Variants in LOXHD1 observed in about 807,000 individuals in gnomAD.
The protein encoded by LOXHD1 is lipoxygenase homology PLAT domains 1.
In LOXHD1, 205 loss-of-function variants were observed where a neutral mutation model predicts 248.2. That is an observed-to-expected ratio of 0.83 (90% confidence interval 0.74 to 0.93). LOXHD1 has a LOEUF of 0.93. Ranked by LOEUF, LOXHD1 falls within the 40% of genes least tolerant of loss-of-function variation. The pLI, the probability that LOXHD1 is intolerant of heterozygous loss-of-function variation, is 0.00. For missense variants in LOXHD1, 2,930 were observed against 2,971.6 expected (o/e 0.99, Z 0.33); for synonymous variants, 1,113 against 1,162.8 (o/e 0.96, Z 0.87).
chr18:46,559,134 C>T (rs535901512), intron 20 of LOXHD1: 202 of 1,354,430 alleles, frequency 1.5e-4, no homozygotes, highest in Non-Finnish European at 1.9e-4. Flanking sequence ...CACCATCTTG[C>T]GGCGAGGACT....
intron 37 of LOXHD1, among the ~76,000 whole-genome samples, chr18:46,500,610 CG>C (rs2034166170): frequency 6.6e-6 from 1 of 152,160 alleles, no homozygotes; most frequent in African/African-American, 2.4e-5. Flanking sequence ...GAGTGATTCC[CG>C]TTCTTGAGAC....
Position 46,506,031 on chromosome 18 carries a change from G to A in LOXHD1, c.5693-8C>T, listed in dbSNP as rs544020946. On this transcript the variant is annotated splice_region_variant and splice_polypyrimidine_tract_variant and intron_variant, in intron 36 of 40. Coordinates refer to ENST00000642948, the MANE Select transcript of LOXHD1 (RefSeq NM_001384474.1). Reference sequence around the variant, plus strand: ...TGGCATCAGTGCCTGCTCCTGGGGGGTGCACAAGGTGAGGCTTAGGGTGCC... The same window carrying A: ...TGGCATCAGTGCCTGCTCCTGGGGGATGCACAAGGTGAGGCTTAGGGTGCC... 5.2e-6 allele frequency: 8 copies of A among 1,551,908 alleles called. No homozygotes were observed. Among genetic ancestry groups the A allele is most frequent in the East Asian group, 2.4e-5 (1 of 40,918 alleles).
chr18:46,614,013 A>C (rs2038546959), intron 5 of LOXHD1, among the ~76,000 whole-genome samples: 1 of 152,198 alleles, frequency 6.6e-6, no homozygotes, highest in Non-Finnish European at 1.5e-5. Context: ...TCAAAACCAC[A>C]ATGAGATACC....
intron 23 of LOXHD1, chr18:46,544,784 C>T: frequency 2.1e-6 from 1 of 471,052 alleles, no homozygotes; most frequent in Admixed American, 2.3e-5. Context: ...ATGAGCACCC[C>T]ATGGTCAAGG....
intron 37 of LOXHD1, among the ~76,000 whole-genome samples, chr18:46,501,558 A>C (rs1275405555): frequency 6.6e-6 from 1 of 152,236 alleles, no homozygotes; most frequent in Non-Finnish European, 1.5e-5. Context: ...CATGAGTTAA[A>C]TGTTAATGAA....
chr18:46,633,499 C>T (rs1191159113), intron 4 of LOXHD1, among the ~76,000 whole-genome samples: 5 of 152,092 alleles, frequency 3.3e-5, no homozygotes, highest in Non-Finnish European at 7.4e-5. Context: ...CTAAATGTAA[C>T]AACAAAAACT....
At chr18:46,502,890 G>C (rs1391988635) in intron 37 of LOXHD1, among the ~76,000 whole-genome samples, 1 of 152,204 alleles carries the variant, frequency 6.6e-6, no homozygotes, top group African/African-American at 2.4e-5. Context: ...GTGAGTCTTA[G>C]AGGAAGGGCT....
At chr18:46,578,154 G>T (rs917185248) in intron 13 of LOXHD1, among the ~76,000 whole-genome samples, 13 of 152,188 alleles carry the variant, frequency 8.5e-5, no homozygotes, top group African/African-American at 2.9e-4. Context: ...CATTTATCAT[G>T]AGCTAATTCC....
chr18:46,613,634 G>C (rs2038541120), intron 5 of LOXHD1, among the ~76,000 whole-genome samples: 4 of 152,012 alleles, frequency 2.6e-5, no homozygotes, highest in Non-Finnish European at 5.9e-5. Flanking sequence ...TTTTGTTTCT[G>C]ACTTTAAAAA....
chr18:46,565,356 A>T (rs2037618407), intron 17 of LOXHD1, among the ~76,000 whole-genome samples: 1 of 152,118 alleles, frequency 6.6e-6, no homozygotes, highest in Admixed American at 6.5e-5. Flanking sequence ...CTATCCAAAA[A>T]GGCCCTTCCC....
intron 12 of LOXHD1, among the ~76,000 whole-genome samples, chr18:46,586,431 GTTT>G (rs59565700): frequency 6.6e-6 from 1 of 151,906 alleles, no homozygotes; most frequent in African/African-American, 2.4e-5. Flanking sequence ...TATAGCTGTT[GTTT>G]TTTTTGTTTG....
At chr18:46,565,013 T>C (rs1461462386) in intron 17 of LOXHD1, among the ~76,000 whole-genome samples, 1 of 152,060 alleles carries the variant, frequency 6.6e-6, no homozygotes, top group Non-Finnish European at 1.5e-5. Flanking sequence ...TCTATAATGC[T>C]AGCACTTTGG....
At position 46,557,304 on chromosome 18, in the gene LOXHD1, C is replaced by T. The variant is rs1369092549; in HGVS notation, c.3350+52G>A. On this transcript the variant is annotated intron_variant, in intron 21 of 40. Transcript: ENST00000642948. ...CTTCCAGGACTACCTCTGTGGCAGA[C>T]ATGGCCTCCCTCAGAGCAACACCCC... The T allele has an allele frequency of 4.5e-6, 7 of 1,550,400 alleles. No individual in the cohort carries two copies. The South Asian group carries it at 4.8e-5, about 11-fold the overall frequency.
intron 8 of LOXHD1, among the ~76,000 whole-genome samples, chr18:46,599,311 G>A (rs1241784885): frequency 3.3e-5 from 5 of 152,040 alleles, no homozygotes; most frequent in African/African-American, 9.7e-5. Flanking sequence ...TTAGAGCCTA[G>A]GAATCTATTT....
intron 34 of LOXHD1, among the ~76,000 whole-genome samples, chr18:46,513,137 T>G (rs1874608931): frequency 6.6e-6 from 1 of 152,226 alleles, no homozygotes; most frequent in Admixed American, 6.5e-5. Flanking sequence ...GAAGGCAGCA[T>G]GGAGGGTTTA....
At position 46,529,248 on chromosome 18, in the gene LOXHD1, C is replaced by A; in HGVS notation, c.4459G>T (p.Asp1487Tyr). ...DAKVYITIYGDLGDTGERYLG... is the reference protein window; with the variant it reads ...DAKVYITIYGYLGDTGERYLG... Reference sequence around the variant, plus strand: ...TATCGCTCCCCAGTGTCCCCGAGGTCTCCATAGATGGTGATGTACACCTTG... The same window carrying A: ...TATCGCTCCCCAGTGTCCCCGAGGTATCCATAGATGGTGATGTACACCTTG... The change falls in exon 29 of 41, where the codon GAC becomes TAC. Residue 1487 changes from aspartate to tyrosine, a missense_variant. Coordinates refer to ENST00000642948, the MANE Select transcript of LOXHD1 (RefSeq NM_001384474.1). 1 of 1,551,768 alleles carries A rather than the reference C, an allele frequency of 6.4e-7. No homozygotes were observed. Among genetic ancestry groups the A allele is most frequent in the African/African-American group, 1.4e-5 (1 of 73,162 alleles).
chr18:46,506,135 A>T, intron 36 of LOXHD1, 112 bp from the exon 37 acceptor site: 1 of 1,178,862 alleles, frequency 8.5e-7, no homozygotes. Context: ...AGGTGGACAG[A>T]GTACAGACTC....
chr18:46,583,742 T>A (rs1423217829), intron 12 of LOXHD1, among the ~76,000 whole-genome samples: 1 of 151,850 alleles, frequency 6.6e-6, no homozygotes. Flanking sequence ...TGGGTAAGAG[T>A]GCAAACTAGT....
chr18:46,522,401 G>T (rs2035625072), intron 31 of LOXHD1, 92 bp from the exon 32 acceptor site: 10 of 1,032,978 alleles, frequency 9.7e-6, no homozygotes, highest in Non-Finnish European at 1.4e-5. Context: ...ACCTCTGAGG[G>T]CACTGATCTC....
Sources: gnomAD v4.1 joint callset for allele counts (sites outside exome capture counted in the v4.1 genomes callset) on GRCh38, gnomAD v4.1.1 for gene constraint, MANE v1.5 for transcripts, NCBI Gene and HGNC (gene_info 2026-07-23, HGNC 2026-07-21) for gene names.